The following SAMTOR variants were observed in gnomAD, a reference collection of about 807,000 sequenced individuals.
SAMTOR encodes the protein S-adenosylmethionine sensor upstream of mTORC1, also known as UPF0532 protein C7orf60.
At chr7:112,822,474 A>G in the SAMTOR span, 28 of 965,244 alleles carry the variant, frequency 2.9e-5, no homozygotes, top group African/African-American at 4.0e-4. Context: ...TAGTAATTCC[A>G]GCATTGATTA....
chr7:112,821,622 G>A, the SAMTOR span: 1 of 945,540 alleles, frequency 1.1e-6, no homozygotes. Flanking sequence ...AGCAAACTCT[G>A]TAAACCTCTG....
chr7:112,871,921 A>T, the SAMTOR span, among the ~76,000 whole-genome samples: 3 of 152,212 alleles, frequency 2.0e-5, no homozygotes, highest in Admixed American at 6.5e-5. Flanking sequence ...AAAAACACAC[A>T]ATGTCCAAAG....
At chr7:112,899,339 G>A in the SAMTOR span, among the ~76,000 whole-genome samples, 1 of 151,680 alleles carries the variant, frequency 6.6e-6, no homozygotes, top group Non-Finnish European at 1.5e-5. Context: ...TCAAGCAGAA[G>A]AAAGAATTAG....
the SAMTOR span, among the ~76,000 whole-genome samples, chr7:112,828,635 G>A: frequency 7.9e-5 from 12 of 151,854 alleles, no homozygotes; most frequent in East Asian, 3.9e-4. Flanking sequence ...AATTCAACCC[G>A]AAACAATGGT....
At chr7:112,870,720 C>T in the SAMTOR span, among the ~76,000 whole-genome samples, 1 of 150,234 alleles carries the variant, frequency 6.7e-6, no homozygotes, top group South Asian at 2.1e-4. Flanking sequence ...CTAAATGCTC[C>T]ATTAGAAAGA....
the SAMTOR span, among the ~76,000 whole-genome samples, chr7:112,937,945 G>A: frequency 6.6e-6 from 1 of 151,848 alleles, no homozygotes; most frequent in South Asian, 2.1e-4. Context: ...GTTAATTTGA[G>A]TGGAACCTAT....
At chr7:112,864,525 T>C in the SAMTOR span, among the ~76,000 whole-genome samples, 6 of 152,182 alleles carry the variant, frequency 3.9e-5, no homozygotes, top group African/African-American at 1.4e-4. Context: ...GGGGTAGGCT[T>C]TTCCTCAAGA....
the SAMTOR span, among the ~76,000 whole-genome samples, chr7:112,903,662 G>C: frequency 6.6e-6 from 1 of 152,152 alleles, no homozygotes; most frequent in Admixed American, 6.5e-5. Context: ...AGGTTCAGCA[G>C]AGAGCAAGAG....
At chr7:112,915,565 A>T in the SAMTOR span, 1 of 680,676 alleles carries the variant, frequency 1.5e-6, no homozygotes, top group Non-Finnish European at 2.1e-6. Context: ...TATAAAGTAA[A>T]ACCATAAAAT....
At chr7:112,836,430 C>A in the SAMTOR span, among the ~76,000 whole-genome samples, 1 of 152,060 alleles carries the variant, frequency 6.6e-6, no homozygotes, top group African/African-American at 2.4e-5. Context: ...TGTAGGTTGT[C>A]TGTTTATTCT....
chr7:112,844,700 C>A, the SAMTOR span, among the ~76,000 whole-genome samples: 1 of 152,064 alleles, frequency 6.6e-6, no homozygotes. Flanking sequence ...CAATGCTATA[C>A]CTATCAAACT....
At chr7:112,914,743 T>C in the SAMTOR span, among the ~76,000 whole-genome samples, 1,621 of 152,318 alleles carry the variant, frequency 0.011, 30 homozygotes, top group African/African-American at 0.037. Flanking sequence ...GTATTGTATG[T>C]ATTAAATGCA....
chr7:112,832,681 A>G, the SAMTOR span: 1 of 1,500,670 alleles, frequency 6.7e-7, no homozygotes, highest in Non-Finnish European at 9.2e-7. Context: ...GCAACCTAAA[A>G]ACAGATATTT....
the SAMTOR span, among the ~76,000 whole-genome samples, chr7:112,932,359 T>C: frequency 1.3e-5 from 2 of 152,198 alleles, no homozygotes; most frequent in Non-Finnish European, 2.9e-5. Flanking sequence ...AAAAATAGAA[T>C]GCTATTCAGA....
chr7:112,827,432 ACT>A, the SAMTOR span, among the ~76,000 whole-genome samples: 1 of 151,968 alleles, frequency 6.6e-6, no homozygotes, highest in Admixed American at 6.6e-5. Flanking sequence ...ATTAGGTATA[ACT>A]CTTTTATTTC....
At chr7:112,915,065 C>T in the SAMTOR span, among the ~76,000 whole-genome samples, 13 of 151,878 alleles carry the variant, frequency 8.6e-5, no homozygotes, top group Non-Finnish European at 1.8e-4. Context: ...ATGGTGAAAC[C>T]CCATCTCTAC....
chr7:112,926,635 A>G, the SAMTOR span, among the ~76,000 whole-genome samples: 3 of 152,208 alleles, frequency 2.0e-5, no homozygotes, highest in African/African-American at 4.8e-5. Context: ...ACTTAAATAT[A>G]TAACTGACAG....
At chr7:112,838,544 G>A in the SAMTOR span, among the ~76,000 whole-genome samples, 2 of 151,900 alleles carry the variant, frequency 1.3e-5, no homozygotes, top group African/African-American at 4.8e-5. Flanking sequence ...CTTTAAGTAT[G>A]AGATGGGATG....
At chr7:112,853,154 T>C in the SAMTOR span, among the ~76,000 whole-genome samples, 1 of 152,152 alleles carries the variant, frequency 6.6e-6, no homozygotes, top group African/African-American at 2.4e-5. Flanking sequence ...AATTTTCACT[T>C]CTGATTCTTT....
Sources: allele counts gnomAD v4.1 joint callset (sites outside exome capture counted in the v4.1 genomes callset), GRCh38; gene constraint gnomAD v4.1.1; transcripts MANE v1.5; gene names NCBI Gene and HGNC (gene_info 2026-07-23, HGNC 2026-07-21).